Variants in PHF2 observed in about 807,000 individuals in gnomAD.
The protein encoded by PHF2 is lysine-specific demethylase PHF2.
PHF2 carries 27 observed loss-of-function variants against 120.5 expected under a neutral mutation model. The observed-to-expected ratio is 0.22, with a 90% confidence interval of 0.17 to 0.31. PHF2 has a LOEUF of 0.31. Ranked by LOEUF, PHF2 falls within the 10% of genes least tolerant of loss-of-function variation. The pLI, the probability that PHF2 is intolerant of heterozygous loss-of-function variation, is 1.00. For synonymous variants in PHF2, 568 were observed against 592.5 expected, an observed-to-expected ratio of 0.96 and a Z score of 0.60; for missense variants, 1,024 against 1,434.8, an observed-to-expected ratio of 0.71 and a Z score of 4.63.
chr9:93,609,477 C>CTG (rs1242425571), intron 1 of PHF2, among the ~76,000 whole-genome samples: 1 of 151,616 alleles, frequency 6.6e-6, no homozygotes, highest in Non-Finnish European at 1.5e-5. Context: ...ATTTTCTGAA[C>CTG]TGTTGTTTGT....
chr9:93,578,564 A>G (rs1298838376), intron 1 of PHF2, among the ~76,000 whole-genome samples: 1 of 152,210 alleles, frequency 6.6e-6, no homozygotes, highest in Non-Finnish European at 1.5e-5. Flanking sequence ...CACCTGTGTC[A>G]GCTCCTGGCT....
At chr9:93,660,611 C>T in intron 12 of PHF2, 51 bp downstream of exon 12, 4 of 1,483,532 alleles carry the variant, frequency 2.7e-6, no homozygotes, top group African/African-American at 1.4e-5. Context: ...GGTGCTGCAG[C>T]ATCTCTTGTG....
At chr9:93,614,301 G>T (rs1000274037) in intron 1 of PHF2, among the ~76,000 whole-genome samples, 4 of 152,184 alleles carry the variant, frequency 2.6e-5, no homozygotes, top group African/African-American at 9.7e-5. Context: ...GTGTCCCTGG[G>T]GCAGACATAG....
At chr9:93,624,572 C>T (rs1825876846) in intron 1 of PHF2, among the ~76,000 whole-genome samples, 1 of 141,402 alleles carries the variant, frequency 7.1e-6, no homozygotes, top group African/African-American at 2.7e-5. Flanking sequence ...GATGGTGTGG[C>T]GATGTTGGTG....
rs1406505768 is a variant in PHF2 at position 93,656,490 on chromosome 9, G to A, written c.1042G>A (p.Ala348Thr). Residue 348 changes from alanine to threonine, a missense_variant and splice_region_variant, in exon 9 of 22, where the codon GCA becomes ACA. Coordinates refer to ENST00000359246, the MANE Select transcript of PHF2 (RefSeq NM_005392.4). This position sits in a 1 kb window ranked among gnomAD's most constrained non-coding sequence, Gnocchi z 4.1. ...HSLSVEMQMR[A>T]YEVERRLKLG... ...GAACTGCTCTTTGGTGGCTTCTAGA[G>A]CATATGAAGTGGAAAGGAGGTTGAA... 5.0e-6 allele frequency: 8 copies of A among 1,610,600 alleles called. No individual in the cohort carries two copies. The highest frequency in any genetic ancestry group is 6.8e-6 in the Non-Finnish European group (8 of 1,177,064).
rs766045244 is a variant in PHF2, at chr9:93,654,446, T to G, written c.823T>G (p.Ser275Ala). The G allele has an allele frequency of 3.7e-6, 6 of 1,613,836 alleles. No homozygotes were observed. The highest frequency in any genetic ancestry group is 4.2e-6 in the Non-Finnish European group (5 of 1,179,930). Residue 275 changes from serine (S) to alanine (A), a missense_variant, in exon 7 of 22, where the codon TCG becomes GCG. Ser to Ala is a moderately conservative substitution (Grantham distance 99). Around this residue, in one of 2 missense-constraint regions of PHF2, gnomAD observed 347 missense variants for 577.4 expected, o/e 0.60. Coordinates refer to ENST00000359246, the MANE Select transcript of PHF2 (RefSeq NM_005392.4). ...EKTFYLIRPA[S>A]ANISLYERWR... ...GACCTTCTATCTCATCAGGCCGGCC[T>G]CGGCCAACATCTCCCTGTATGAGCG...
chr9:93,660,845 G>A (rs1179298501), intron 12 of PHF2, among the ~76,000 whole-genome samples: 7 of 152,226 alleles, frequency 4.6e-5, no homozygotes, highest in Admixed American at 4.6e-4. Context: ...GTCCCTCACT[G>A]AGGAAGGCAA....
chr9:93,645,795 C>T lies in PHF2; in HGVS notation c.460+6C>T, dbSNP rs377665177. Reference sequence around the variant, plus strand: ...TGACGTCGAGAACTACGTGGGTAAGCGCCATCCCCTTCACAGTGCTCTGGG... The same window carrying T: ...TGACGTCGAGAACTACGTGGGTAAGTGCCATCCCCTTCACAGTGCTCTGGG... On this transcript the variant is annotated splice_donor_region_variant and intron_variant, in intron 4 of 21. Coordinates refer to ENST00000359246, the MANE Select transcript of PHF2 (RefSeq NM_005392.4). 2.2e-5 allele frequency: 35 copies of T among 1,575,438 alleles called. No individual in the cohort carries two copies. The highest frequency in any genetic ancestry group is 2.0e-4 in the African/African-American group (15 of 74,096).
intron 2 of PHF2, among the ~76,000 whole-genome samples, chr9:93,632,707 G>A (rs1262235854): frequency 6.6e-6 from 1 of 152,106 alleles, no homozygotes; most frequent in Non-Finnish European, 1.5e-5. Context: ...TCACCTTAGG[G>A]GTCAGGATTT....
chr9:93,603,787 C>T (rs1411797794), intron 1 of PHF2, among the ~76,000 whole-genome samples: 1 of 152,344 alleles, frequency 6.6e-6, no homozygotes, highest in East Asian at 1.9e-4. Context: ...ATTCATCTGT[C>T]AGGACCAGCC....
At chr9:93,598,641 G>T (rs186741939) in intron 1 of PHF2, among the ~76,000 whole-genome samples, 155 of 152,246 alleles carry the variant, frequency 1.0e-3, no homozygotes, top group Middle Eastern at 6.8e-3. Flanking sequence ...CAGGGCGGGG[G>T]TTCACCCTGG....
At position 93,677,513 on chromosome 9, in the gene PHF2, C is replaced by T; in HGVS notation, c.3203-75C>T. ...GCCCCTTAGTGTCAGCGGGACCCTC[C>T]CCCCCACCGGCATGCCACGCCCCTT... On this transcript the variant is annotated intron_variant, in intron 21 of 21. Coordinates refer to ENST00000359246, the MANE Select transcript of PHF2 (RefSeq NM_005392.4). The surrounding 1 kb of genome is among the most constrained non-coding windows in gnomAD (Gnocchi z 4.4). 1 of 1,088,008 alleles carries T rather than the reference C, an allele frequency of 9.2e-7. No homozygotes were observed. The highest frequency in any genetic ancestry group is 1.5e-5 in the African/African-American group (1 of 64,614). 67.4% of individuals were successfully genotyped at this position (1,088,008 alleles called of 1,614,324 possible). A position where few individuals can be genotyped will look rare whatever the true frequency, so the allele number is the denominator to read the frequency against.
chr9:93,668,885 G>A (rs370732241), intron 17 of PHF2, among the ~76,000 whole-genome samples: 4 of 152,348 alleles, frequency 2.6e-5, no homozygotes, highest in East Asian at 1.9e-4. Flanking sequence ...CATTTGGAGC[G>A]TAGGTCAGTT....
Position 93,678,101 on chromosome 9 carries a change from T to TAA in PHF2, c.*433_*434dup. ...CACAGGCTGGCAGCCTCCAGGGGCT[T>TAA]AAAAAAAAAGGCAAAGAACACAGAA... On this transcript the variant is annotated 3_prime_UTR_variant, in exon 22 of 22. Coordinates refer to ENST00000359246, the MANE Select transcript of PHF2 (RefSeq NM_005392.4). 6.2e-6 allele frequency: 1 copy of TAA among 160,818 alleles called. No individual in the cohort carries two copies. Among genetic ancestry groups the TAA allele is most frequent in the Non-Finnish European group, 1.3e-5 (1 of 74,414 alleles). The allele number at this position is 160,818 out of a possible 1,614,324, so 10.0% of individuals were successfully genotyped here. A position where few individuals can be genotyped will look rare whatever the true frequency, so the allele number is the denominator to read the frequency against.
chr9:93,660,015 C>T (rs1011380083), intron 11 of PHF2, among the ~76,000 whole-genome samples, 177 bp from the exon 12 acceptor site: 14 of 152,092 alleles, frequency 9.2e-5, no homozygotes, highest in Non-Finnish European at 5.9e-5. Flanking sequence ...GTGTGTCACA[C>T]AATAGCATGG....
intron 1 of PHF2, among the ~76,000 whole-genome samples, chr9:93,582,143 C>T (rs1862943388): frequency 6.6e-6 from 1 of 152,194 alleles, no homozygotes; most frequent in Non-Finnish European, 1.5e-5. Flanking sequence ...GACACAGAAG[C>T]AGCTAGGGCC....
intron 1 of PHF2, among the ~76,000 whole-genome samples, chr9:93,616,599 C>T (rs1167910884): frequency 7.4e-6 from 1 of 135,848 alleles, no homozygotes; most frequent in African/African-American, 2.5e-5. Context: ...TCTGCCTCAC[C>T]TCTGGGAGTG....
chr9:93,648,539 C>CT (rs1826301803), intron 4 of PHF2, among the ~76,000 whole-genome samples: 1 of 152,222 alleles, frequency 6.6e-6, no homozygotes. Context: ...CCTCCTCCCT[C>CT]TATCAGTCAT....
At chr9:93,653,585 A>G (rs2117934353) in intron 6 of PHF2, among the ~76,000 whole-genome samples, 1 of 152,238 alleles carries the variant, frequency 6.6e-6, no homozygotes, top group East Asian at 1.9e-4. Context: ...CCTTGTTCTG[A>G]TGGGATTCAG....
Sources: gnomAD v4.1 joint callset for allele counts (sites outside exome capture counted in the v4.1 genomes callset) on GRCh38, gnomAD v4.1.1 for gene constraint, gnomAD v4.1.1 regional missense constraint, Gnocchi (gnomAD v3.1) non-coding constraint, MANE v1.5 for transcripts, NCBI Gene and HGNC (gene_info 2026-07-23, HGNC 2026-07-21) for gene names.